KCNIP4: variants seen among roughly 807,000 people sequenced by gnomAD.
KCNIP4 encodes the protein Kv channel-interacting protein 4.
In KCNIP4, 12 loss-of-function variants were observed where a neutral mutation model predicts 34.0. The ratio of observed to expected loss-of-function variants is 0.35; its 90% CI spans 0.23 to 0.57. KCNIP4 has a LOEUF of 0.57. KCNIP4 is among the 20% of genes least tolerant of loss of function. KCNIP4 has a pLI of 0.83. For missense variants in KCNIP4, 238 were observed against 311.7 expected (o/e 0.76, Z 1.78); for synonymous variants, 124 against 102.2 (o/e 1.21, Z -1.29).
chr4:20,831,095 T>C (rs1718377579), intron 3 of KCNIP4, among the ~76,000 whole-genome samples: 1 of 152,170 alleles, frequency 6.6e-6, no homozygotes, highest in South Asian at 2.1e-4. Flanking sequence ...ATAATTTACT[T>C]TTTCCATAAA....
chr4:21,730,378 C>T (rs766194090), intron 1 of KCNIP4, among the ~76,000 whole-genome samples: 4 of 152,040 alleles, frequency 2.6e-5, no homozygotes, highest in African/African-American at 4.8e-5. Context: ...GAAATAGTTC[C>T]GTGTTGTGTT....
rs138398365 is a variant in KCNIP4 at position 21,862,960 on chromosome 4, C to CA, written c.61+85610dup. On this transcript the variant is annotated intron_variant, in intron 1 of 8. Coordinates refer to ENST00000382152, the MANE Select transcript of KCNIP4 (RefSeq NM_025221.6). ...TGGGTGACCGAGTGAGACTCCGTCT[C>CA]AAAAAAAGAAAAAAAAAGAATTAAG... Among the ~76,000 whole-genome samples, 336 of 107,942 alleles carry CA rather than the reference C, an allele frequency of 3.1e-3. 15 individuals carry two copies. The highest frequency in any genetic ancestry group is 8.2e-3 in the African/African-American group (250 of 30,458). The allele number at this position is 107,942 out of a possible 152,430, so 70.8% of individuals were successfully genotyped here. A position where few individuals can be genotyped will look rare whatever the true frequency, so the allele number is the denominator to read the frequency against.
At chr4:21,336,293 T>C (rs35206752) in intron 1 of KCNIP4, among the ~76,000 whole-genome samples, 1 of 152,140 alleles carries the variant, frequency 6.6e-6, no homozygotes, top group Non-Finnish European at 1.5e-5. Flanking sequence ...ACACTTTAGC[T>C]GTAAACATTC....
chr4:21,671,550 C>A (rs1392651309), intron 1 of KCNIP4, among the ~76,000 whole-genome samples: 1 of 152,164 alleles, frequency 6.6e-6, no homozygotes, highest in Non-Finnish European at 1.5e-5. Flanking sequence ...CTCTGCTTCA[C>A]AGAATCTTCA....
At chr4:21,069,376 T>C (rs964013231) in intron 1 of KCNIP4, among the ~76,000 whole-genome samples, 3 of 152,230 alleles carry the variant, frequency 2.0e-5, no homozygotes, top group African/African-American at 7.2e-5. Context: ...TTGACAATGC[T>C]GAAGGTTTTG....
intron 5 of KCNIP4, among the ~76,000 whole-genome samples, chr4:20,743,643 A>G (rs913778454): frequency 2.6e-5 from 4 of 152,208 alleles, no homozygotes; most frequent in South Asian, 4.1e-4. Context: ...AGACTTAAAC[A>G]TTAGACCTAA....
intron 1 of KCNIP4, among the ~76,000 whole-genome samples, chr4:21,790,864 A>C (rs1443763535): frequency 1.4e-5 from 2 of 147,566 alleles, no homozygotes. Flanking sequence ...AAAAGGTATC[A>C]TTCTGTAGCA....
intron 1 of KCNIP4, among the ~76,000 whole-genome samples, chr4:21,722,030 T>C (rs1714854374): frequency 1.3e-5 from 2 of 152,204 alleles, no homozygotes; most frequent in Non-Finnish European, 2.9e-5. Flanking sequence ...TTCAAAGGTA[T>C]CTATGTTCTG....
At chr4:21,065,299 T>C (rs1199494183) in intron 1 of KCNIP4, among the ~76,000 whole-genome samples, 1 of 151,986 alleles carries the variant, frequency 6.6e-6, no homozygotes, top group Non-Finnish European at 1.5e-5. Flanking sequence ...TGAAAATGAG[T>C]ATCTGGCACA....
At chr4:21,583,527 G>A (rs1741393461) in intron 1 of KCNIP4, among the ~76,000 whole-genome samples, 1 of 151,920 alleles carries the variant, frequency 6.6e-6, no homozygotes, top group Non-Finnish European at 1.5e-5. Flanking sequence ...TAGCTAAATA[G>A]TAAAATACCA....
intron 3 of KCNIP4, among the ~76,000 whole-genome samples, chr4:20,820,514 A>G (rs957366686): frequency 4.6e-5 from 7 of 152,218 alleles, no homozygotes; most frequent in Non-Finnish European, 8.8e-5. Context: ...GATTTGGAAA[A>G]TTCCCAGCCT....
At chr4:21,117,718 G>A (rs893976954) in intron 1 of KCNIP4, among the ~76,000 whole-genome samples, 7 of 151,994 alleles carry the variant, frequency 4.6e-5, no homozygotes, top group African/African-American at 1.7e-4. Context: ...TGGGCCCCTA[G>A]GTCCATTTCT....
In KCNIP4 at chr4:20,728,720, CTCTTAATT is replaced by C. The variant is rs1213134437; in HGVS notation, c.*1354_*1361del. ...ATTTCAGTGTACATGTATTGTACTACTCTTAATTTCTACACTGGTGATAGCAGGGCAGC... is the reference window on the plus strand; with the variant it reads ...ATTTCAGTGTACATGTATTGTACTACTCTACACTGGTGATAGCAGGGCAGC... On this transcript the variant is annotated 3_prime_UTR_variant, in exon 9 of 9. Transcript: ENST00000382152. The C allele has an allele frequency of 6.6e-6, 1 of 152,576 alleles. No homozygotes were observed. Among genetic ancestry groups the C allele is most frequent in the Non-Finnish European group, 1.5e-5 (1 of 68,020 alleles). 9.5% of individuals were successfully genotyped at this position (152,576 alleles called of 1,614,324 possible).
intron 1 of KCNIP4, among the ~76,000 whole-genome samples, chr4:21,258,893 A>T (rs1761261611): frequency 6.6e-6 from 1 of 152,196 alleles, no homozygotes; most frequent in Non-Finnish European, 1.5e-5. Flanking sequence ...ACATTGAAAC[A>T]TAGCTAGAAT....
chr4:21,807,209 G>A (rs1268886366), intron 1 of KCNIP4, among the ~76,000 whole-genome samples: 2 of 152,162 alleles, frequency 1.3e-5, no homozygotes, highest in Non-Finnish European at 2.9e-5. Context: ...GCAATGAGGA[G>A]CAGCTGTAAA....
intron 1 of KCNIP4, among the ~76,000 whole-genome samples, chr4:21,854,346 G>T (rs1480670860): frequency 6.6e-6 from 1 of 152,196 alleles, no homozygotes; most frequent in Non-Finnish European, 1.5e-5. Flanking sequence ...AGGGGATTCG[G>T]TACAACATAT....
At chr4:21,089,349 C>T (rs980898195) in intron 1 of KCNIP4, among the ~76,000 whole-genome samples, 20 of 152,186 alleles carry the variant, frequency 1.3e-4, no homozygotes, top group Admixed American at 1.1e-3. Flanking sequence ...TTGCACCTTC[C>T]ACCACGATTG....
intron 1 of KCNIP4, among the ~76,000 whole-genome samples, chr4:21,377,785 A>T (rs1031886560): frequency 3.9e-5 from 6 of 152,216 alleles, no homozygotes; most frequent in Non-Finnish European, 5.9e-5. Context: ...ACAACATATT[A>T]TAGTTCCTCT....
chr4:21,873,876 C>T (rs907402683), intron 1 of KCNIP4, among the ~76,000 whole-genome samples: 1 of 152,128 alleles, frequency 6.6e-6, no homozygotes, highest in East Asian at 1.9e-4. Context: ...GAACAGATTC[C>T]TTGGCCATTT....
Sources: gnomAD v4.1 joint callset for allele counts (sites outside exome capture counted in the v4.1 genomes callset) on GRCh38, gnomAD v4.1.1 for gene constraint, MANE v1.5 for transcripts, NCBI Gene and HGNC (gene_info 2026-07-23, HGNC 2026-07-21) for gene names.